KIRREL1: variants seen among roughly 807,000 people sequenced by gnomAD.
KIRREL1 encodes kirre like nephrin family adhesion molecule 1, also known as kin of IRRE-like protein 1.
KIRREL1 carries 25 observed loss-of-function variants against 83.3 expected under a neutral mutation model. The ratio of observed to expected loss-of-function variants is 0.30; its 90% CI spans 0.22 to 0.42. KIRREL1 has a LOEUF of 0.42. Among genes scored for constraint, KIRREL1 ranks in the 10% least tolerant of loss-of-function variants. The pLI is 1.00. For synonymous variants in KIRREL1, 388 were observed against 410.4 expected (o/e 0.95, Z 0.66); for missense variants, 812 against 1,032.3 (o/e 0.79, Z 2.92).
chr1:158,029,784 A>G (rs1200163674), intron 1 of KIRREL1, among the ~76,000 whole-genome samples: 4 of 152,228 alleles, frequency 2.6e-5, no homozygotes, highest in Admixed American at 2.6e-4. Context: ...GTTGCCTCAC[A>G]TGCAATTGGG....
At chr1:158,022,030 G>T (rs1005526490) in intron 1 of KIRREL1, among the ~76,000 whole-genome samples, 2 of 152,000 alleles carry the variant, frequency 1.3e-5, no homozygotes, top group Non-Finnish European at 2.9e-5. Context: ...CTCCAGGTGT[G>T]TGGGTGGGTG....
At chr1:158,064,575 A>G (rs1234289181) in intron 1 of KIRREL1, among the ~76,000 whole-genome samples, 1 of 152,240 alleles carries the variant, frequency 6.6e-6, no homozygotes, top group Non-Finnish European at 1.5e-5. Context: ...ATCCAGCCTT[A>G]TCTTGAACAC....
chr1:158,054,688 A>T (rs1176421080), intron 1 of KIRREL1, among the ~76,000 whole-genome samples: 1 of 152,190 alleles, frequency 6.6e-6, no homozygotes, highest in Non-Finnish European at 1.5e-5. Flanking sequence ...GTTCAGATCC[A>T]GTTCTGATTT....
At chr1:157,994,747 A>C (rs1659146047) in intron 1 of KIRREL1, among the ~76,000 whole-genome samples, 1 of 151,988 alleles carries the variant, frequency 6.6e-6, no homozygotes, top group East Asian at 1.9e-4. Flanking sequence ...ACCGTAAAAC[A>C]CTCACAGACA....
chr1:158,006,480 G>A (rs773623300), intron 1 of KIRREL1, among the ~76,000 whole-genome samples: 1 of 152,224 alleles, frequency 6.6e-6, no homozygotes, highest in Non-Finnish European at 1.5e-5. Flanking sequence ...TTGTAATAGA[G>A]AAGCAAGCCC....
chr1:158,003,295 A>G (rs1459135722), intron 1 of KIRREL1, among the ~76,000 whole-genome samples: 1 of 152,168 alleles, frequency 6.6e-6, no homozygotes, highest in Non-Finnish European at 1.5e-5. Flanking sequence ...AAGGCATTTC[A>G]AAGGAGCAGA....
Position 158,091,523 on chromosome 1 carries a change from C to T in KIRREL1, c.1438C>T (p.Pro480Ser). ...YNCTAWNSFG[P>S]GTAIIQLEER... Reference sequence around the variant, plus strand: ...CTGCACCGCCTGGAACAGCTTCGGGCCAGGCACAGCCATCATCCAGCTGGA... The same window carrying T: ...CTGCACCGCCTGGAACAGCTTCGGGTCAGGCACAGCCATCATCCAGCTGGA... The change falls in exon 11 of 15, where the codon CCA (proline) becomes TCA (serine). Residue 480 changes from proline to serine, a missense_variant. Physicochemically the swap from Pro to Ser is moderately conservative, Grantham distance 74. This residue lies in a region of KIRREL1 where 6 missense variants were observed against 21.8 expected (regional missense o/e 0.28). Transcript: ENST00000359209. 6.2e-7 allele frequency: 1 copy of T among 1,614,230 alleles called. No homozygotes were observed. Among genetic ancestry groups the T allele is most frequent in the Non-Finnish European group, 8.5e-7 (1 of 1,180,050 alleles).
At chr1:158,020,035 T>G (rs1289934564) in intron 1 of KIRREL1, among the ~76,000 whole-genome samples, 2 of 152,102 alleles carry the variant, frequency 1.3e-5, no homozygotes, top group Non-Finnish European at 2.9e-5. Context: ...GAAGTTGCTT[T>G]AGGAGCAAGA....
rs576066903 is a variant in KIRREL1, at chr1:158,096,391, A to G, written c.*1271A>G. The G allele has an allele frequency of 1.3e-4, 46 of 354,470 alleles. No homozygotes were observed. In the East Asian group the frequency reaches 3.0e-3, roughly 23 times the overall value. The allele number at this position is 354,470 out of a possible 1,614,324, so 22.0% of individuals were successfully genotyped here. A position where few individuals can be genotyped will look rare whatever the true frequency, so the allele number is the denominator to read the frequency against. ...TGTCTTTTTTTTTTTTCTTGGACCA[A>G]TCAGATTCCTTCTTCCACTTTCAGT... On this transcript the variant is annotated 3_prime_UTR_variant, in exon 15 of 15. Coordinates refer to ENST00000359209, the MANE Select transcript of KIRREL1 (RefSeq NM_018240.7).
intron 1 of KIRREL1, among the ~76,000 whole-genome samples, chr1:158,011,923 C>T (rs1340406692): frequency 3.9e-5 from 6 of 152,110 alleles, no homozygotes; most frequent in African/African-American, 9.7e-5. Context: ...GCTCTTCCCC[C>T]TCAATGTTGA....
chr1:158,078,162 A>G, intron 3 of KIRREL1, 22 bp downstream of exon 3: 3 of 1,608,302 alleles, frequency 1.9e-6, no homozygotes, highest in Non-Finnish European at 2.6e-6. Flanking sequence ...AATACCCTTC[A>G]GTACTTCGAG....
At chr1:157,994,591 G>T (rs910413811) in intron 1 of KIRREL1, among the ~76,000 whole-genome samples, 4 of 151,924 alleles carry the variant, frequency 2.6e-5, no homozygotes, top group Admixed American at 2.6e-4. Context: ...AGGGCTGAGG[G>T]AACCAAGGGT....
intron 1 of KIRREL1, among the ~76,000 whole-genome samples, chr1:158,034,074 C>T (rs1175025443): frequency 2.0e-5 from 3 of 151,810 alleles, no homozygotes; most frequent in Admixed American, 6.6e-5. Context: ...GAAATCGAGA[C>T]CATCTGGACT....
At chr1:158,002,557 G>A (rs1413215869) in intron 1 of KIRREL1, among the ~76,000 whole-genome samples, 2 of 152,212 alleles carry the variant, frequency 1.3e-5, no homozygotes, top group East Asian at 1.9e-4. Flanking sequence ...TTTTTTAAAT[G>A]GCTGTGCTGG....
Position 158,046,567 on chromosome 1 carries a change from A to AGGGAG in KIRREL1, c.53-29538_53-29534dup, listed in dbSNP as rs552824433. Among the ~76,000 whole-genome samples the AGGGAG allele has an allele frequency of 1.1e-4, 17 of 152,148 alleles. 1 individual carries two copies. The South Asian group carries it at 3.1e-3, about 28-fold the overall frequency. Reference sequence around the variant, plus strand: ...GAATTTAACAAGGGAGCGAACCAAGAGGGAGGGGAGGGCCAGTCAGGACCC... The same window carrying AGGGAG: ...GAATTTAACAAGGGAGCGAACCAAGAGGGAGGGGAGGGGAGGGCCAGTCAGGACCC... On this transcript the variant is annotated intron_variant, in intron 1 of 14. Coordinates refer to ENST00000359209, the MANE Select transcript of KIRREL1 (RefSeq NM_018240.7).
intron 1 of KIRREL1, among the ~76,000 whole-genome samples, chr1:158,038,392 T>C (rs1419326682): frequency 6.6e-6 from 1 of 151,484 alleles, no homozygotes; most frequent in African/African-American, 2.4e-5. Context: ...CAAGAACATA[T>C]GGACTGTGAA....
At chr1:158,066,066 T>TCTTGCC (rs1166192617) in intron 1 of KIRREL1, among the ~76,000 whole-genome samples, 1 of 152,004 alleles carries the variant, frequency 6.6e-6, no homozygotes, top group Non-Finnish European at 1.5e-5. Flanking sequence ...AAGAGCCTCT[T>TCTTGCC]CTTGCCCCAC....
intron 1 of KIRREL1, among the ~76,000 whole-genome samples, chr1:158,034,274 AAAAAAAAAAAAAG>A (rs1450161145): frequency 6.2e-5 from 9 of 145,294 alleles, no homozygotes; most frequent in South Asian, 2.4e-4. Flanking sequence ...CGTCTCAAAA[AAAAAAAAAAAAAG>A]AAAAAAAGAA....
chr1:158,052,654 C>T (rs888899497), intron 1 of KIRREL1, among the ~76,000 whole-genome samples: 1 of 150,678 alleles, frequency 6.6e-6, no homozygotes, highest in Non-Finnish European at 1.5e-5. Flanking sequence ...GGCGTGGTGG[C>T]GGGTGCCTGT....
Sources: gnomAD v4.1 joint callset for allele counts (sites outside exome capture counted in the v4.1 genomes callset) on GRCh38, gnomAD v4.1.1 for gene constraint, gnomAD v4.1.1 regional missense constraint, MANE v1.5 for transcripts, NCBI Gene and HGNC (gene_info 2026-07-23, HGNC 2026-07-21) for gene names.